Variants in LDLRAD3 observed in about 807,000 individuals in gnomAD.
The protein encoded by LDLRAD3 is low-density lipoprotein receptor class A domain-containing protein 3.
A neutral mutation model predicts 29.4 loss-of-function variants in LDLRAD3; 20 were observed. That is an observed-to-expected ratio of 0.68 (90% confidence interval 0.48 to 0.99). The LOEUF is 0.99. Ranked by LOEUF, LDLRAD3 falls within the 50% of genes least tolerant of loss-of-function variation. The pLI is 0.00. For missense variants in LDLRAD3, 420 were observed against 454.3 expected, an observed-to-expected ratio of 0.92 and a Z score of 0.69; for synonymous variants, 157 against 192.7, an observed-to-expected ratio of 0.81 and a Z score of 1.53.
chr11:36,220,029 T>C (rs978139623), intron 4 of LDLRAD3, among the ~76,000 whole-genome samples: 4 of 152,166 alleles, frequency 2.6e-5, no homozygotes, highest in African/African-American at 9.7e-5. Context: ...AACACTTCAT[T>C]AAAGAAGATA....
rs1851222967 is a variant in LDLRAD3, at chr11:35,957,807, A to T, written c.46+13663A>T. Among the ~76,000 whole-genome samples, 3 of 147,448 alleles carry T rather than the reference A, an allele frequency of 2.0e-5. No individual in the cohort carries two copies. In the South Asian group the frequency reaches 6.5e-4, roughly 32 times the overall value. ...TGAGACCTTATCTCAAAAAAAAAAA[A>T]AAAAAAAAGAAAAGAAAAGAAAAAA... On this transcript the variant is annotated intron_variant, in intron 1 of 5. Transcript: ENST00000315571.
intron 1 of LDLRAD3, among the ~76,000 whole-genome samples, chr11:36,008,215 G>A (rs969369482): frequency 6.6e-6 from 1 of 152,136 alleles, no homozygotes; most frequent in Admixed American, 6.5e-5. Flanking sequence ...CGCAAACCAG[G>A]CAGAATGGGT....
chr11:36,194,046 C>T (rs1854995451), intron 4 of LDLRAD3, among the ~76,000 whole-genome samples: 1 of 152,322 alleles, frequency 6.6e-6, no homozygotes, highest in African/African-American at 2.4e-5. Context: ...CTTAGTATCA[C>T]ATCTGGCATT....
chr11:36,036,239 G>C lies in LDLRAD3; in HGVS notation c.183G>C (p.Glu61Asp), dbSNP rs757428091. 5 of 1,614,042 alleles carry C rather than the reference G, an allele frequency of 3.1e-6. No homozygotes were observed. The highest frequency in any genetic ancestry group is 3.3e-4 in the Middle Eastern group (2 of 6,062). Reference sequence around the variant, plus strand: ...CTGACTGCTTCGACAAGAGTGATGAGAAGGAGTGCCGTGAGTGGCCTGGCC... The same window carrying C: ...CTGACTGCTTCGACAAGAGTGATGACAAGGAGTGCCGTGAGTGGCCTGGCC... ...GLPDCFDKSD[E>D]KECPKAKSKC... The change falls in exon 2 of 6, where the codon GAG becomes GAC. Residue 61 changes from glutamate (E) to aspartate (D), a missense_variant. Transcript: ENST00000315571.
chr11:36,207,787 G>A (rs1043752751), intron 4 of LDLRAD3, among the ~76,000 whole-genome samples: 2 of 152,202 alleles, frequency 1.3e-5, no homozygotes, highest in African/African-American at 4.8e-5. Flanking sequence ...CTCAGAGGTT[G>A]TCCACCACAC....
intron 2 of LDLRAD3, among the ~76,000 whole-genome samples, chr11:36,054,175 A>G (rs1852571467): frequency 6.6e-6 from 1 of 152,156 alleles, no homozygotes; most frequent in South Asian, 2.1e-4. Context: ...TTTTCATTCC[A>G]GACAGTGGGA....
chr11:36,202,421 C>T (rs184347347), intron 4 of LDLRAD3, among the ~76,000 whole-genome samples: 3 of 152,280 alleles, frequency 2.0e-5, no homozygotes, highest in East Asian at 1.9e-4. Context: ...GCACCTCTCA[C>T]GGTTGAGCCA....
intron 1 of LDLRAD3, among the ~76,000 whole-genome samples, chr11:36,026,729 A>C (rs764996776): frequency 7.9e-5 from 12 of 152,118 alleles, no homozygotes; most frequent in Non-Finnish European, 1.8e-4. Flanking sequence ...GCTAAAAGAC[A>C]CTCCCACAAG....
intron 4 of LDLRAD3, among the ~76,000 whole-genome samples, chr11:36,192,180 A>G (rs140538265): frequency 2.4e-3 from 369 of 152,336 alleles, no homozygotes; most frequent in Non-Finnish European, 4.6e-3. Context: ...TTTGATAGAA[A>G]TAAAAGTGGA....
intron 2 of LDLRAD3, among the ~76,000 whole-genome samples, chr11:36,049,661 T>C (rs932999429): frequency 2.0e-5 from 3 of 152,148 alleles, no homozygotes; most frequent in African/African-American, 7.2e-5. Flanking sequence ...GGCTGTTGGG[T>C]GTTCTAGAAT....
At chr11:35,958,213 C>T (rs1851229528) in intron 1 of LDLRAD3, among the ~76,000 whole-genome samples, 1 of 152,234 alleles carries the variant, frequency 6.6e-6, no homozygotes, top group African/African-American at 2.4e-5. Context: ...TTCAGTTTCT[C>T]AGTCACACCC....
chr11:36,095,514 T>C (rs1853347406), intron 3 of LDLRAD3, among the ~76,000 whole-genome samples: 1 of 152,238 alleles, frequency 6.6e-6, no homozygotes, highest in Middle Eastern at 3.2e-3. Context: ...CTTTTCTTTT[T>C]GATTTTTGAG....
chr11:35,987,773 A>G (rs1201555786), intron 1 of LDLRAD3, among the ~76,000 whole-genome samples: 1 of 152,136 alleles, frequency 6.6e-6, no homozygotes, highest in Non-Finnish European at 1.5e-5. Flanking sequence ...TTTTATATAT[A>G]TACCTGGTAA....
At chr11:36,205,574 A>G (rs1344295030) in intron 4 of LDLRAD3, among the ~76,000 whole-genome samples, 2 of 152,218 alleles carry the variant, frequency 1.3e-5, no homozygotes, top group African/African-American at 4.8e-5. Context: ...ATTCCCCCAA[A>G]GTCTTTACAG....
chr11:36,154,553 ATTGT>A lies in LDLRAD3; in HGVS notation c.454+56098_454+56101del, dbSNP rs1329596320. ...TTTAGAGAAGTCGTAGGGAAAAGAA[ATTGT>A]TTGTTGTTGTCTAACCTGTGTTTCC... is the stretch of plus-strand genomic sequence containing the variant. On this transcript the variant is annotated intron_variant, in intron 4 of 5. Coordinates refer to ENST00000315571, the MANE Select transcript of LDLRAD3 (RefSeq NM_174902.4). Among the ~76,000 whole-genome samples the A allele has an allele frequency of 2.6e-5, 4 of 152,280 alleles. No homozygotes were observed. In the East Asian group the frequency reaches 7.7e-4, roughly 29 times the overall value.
At chr11:35,952,763 C>T (rs1339002091) in intron 1 of LDLRAD3, among the ~76,000 whole-genome samples, 1 of 152,134 alleles carries the variant, frequency 6.6e-6, no homozygotes. Flanking sequence ...AGATACAGTA[C>T]TGATGATAAT....
rs72293435 is a variant in LDLRAD3, at chr11:36,133,354, CTTTCTTTTCT to C, written c.454+34927_454+34936del. 7.4e-3 allele frequency among the ~76,000 whole-genome samples: 966 copies of C among 130,506 alleles called. 10 individuals carry two copies. The highest frequency in any genetic ancestry group is 0.028 in the East Asian group (114 of 4,098). The allele number at this position is 130,506 out of a possible 152,430, so 85.6% of individuals were successfully genotyped here. On this transcript the variant is annotated intron_variant, in intron 4 of 5. Transcript: ENST00000315571. ...CCCAGCCTGAGTCCATTTTCTTTTCCTTTCTTTTCTTTTCTTTTCTTTTCTTTTCTTTTCT... is the reference window on the plus strand; with the variant it reads ...CCCAGCCTGAGTCCATTTTCTTTTCCTTTCTTTTCTTTTCTTTTCTTTTCT...
chr11:36,009,249 C>T lies in LDLRAD3; in HGVS notation c.47-26854C>T, dbSNP rs564540874. Among the ~76,000 whole-genome samples, 23 of 152,256 alleles carry T rather than the reference C, an allele frequency of 1.5e-4. No individual in the cohort carries two copies. The South Asian group carries it at 4.8e-3, about 32-fold the overall frequency. On this transcript the variant is annotated intron_variant, in intron 1 of 5. Transcript: ENST00000315571. ...ATTTCCTTATCTTGGCAGTGCTTCC[C>T]AGGAAACTCCCTTTTTTGCTCTGAG... is the stretch of plus-strand genomic sequence containing the variant.
chr11:36,067,696 G>T lies in LDLRAD3; in HGVS notation c.194-13957G>T, dbSNP rs188114256. On this transcript the variant is annotated intron_variant, in intron 2 of 5. Coordinates refer to ENST00000315571, the MANE Select transcript of LDLRAD3 (RefSeq NM_174902.4). ...TGTAATTAACTTTTTTTTGAGACAG[G>T]ATCTTGCTCTGTCACCCACGCTAGA... is the stretch of plus-strand genomic sequence containing the variant. 2.0e-3 allele frequency among the ~76,000 whole-genome samples: 303 copies of T among 152,236 alleles called. 3 individuals are homozygous for T. Among genetic ancestry groups the T allele is most frequent in the Non-Finnish European group, 3.4e-4 (23 of 68,020 alleles).
Sources: gnomAD v4.1 joint callset for allele counts (sites outside exome capture counted in the v4.1 genomes callset) on GRCh38, gnomAD v4.1.1 for gene constraint, MANE v1.5 for transcripts, NCBI Gene and HGNC (gene_info 2026-07-23, HGNC 2026-07-21) for gene names.